The following FAM169A variants were observed in gnomAD, a reference collection of about 807,000 sequenced individuals.
FAM169A encodes the protein soluble lamin-associated protein of 75 kDa.
In FAM169A, 24 loss-of-function variants were observed where a neutral mutation model predicts 75.7. The observed-to-expected ratio is 0.32, with a 90% CI of 0.23 to 0.45. The LOEUF (loss-of-function observed/expected upper bound fraction) is 0.45. FAM169A is among the 20% of genes least tolerant of loss of function. The probability of loss-of-function intolerance (pLI) is 1.00; values close to 1 mark genes in which losing one functional copy is unlikely to be tolerated. For synonymous variants in FAM169A, 271 were observed against 271.0 expected (o/e 1.00, Z 0.00); for missense variants, 673 against 784.0 (o/e 0.86, Z 1.69).
At chr5:74,806,001 T>C (rs1166715444) in intron 6 of FAM169A, among the ~76,000 whole-genome samples, 1 of 131,394 alleles carries the variant, frequency 7.6e-6, no homozygotes, top group African/African-American at 2.9e-5. Context: ...AAAGAAATAA[T>C]ATTCAGGTCA....
At chr5:74,818,698 G>A (rs1263943402) in intron 5 of FAM169A, among the ~76,000 whole-genome samples, 1 of 147,578 alleles carries the variant, frequency 6.8e-6, no homozygotes, top group Non-Finnish European at 1.5e-5. Context: ...TGGGAGAGAG[G>A]AATAGATTAC....
At chr5:74,839,522 A>ATTTT (rs200682932) in intron 3 of FAM169A, among the ~76,000 whole-genome samples, 1 of 130,810 alleles carries the variant, frequency 7.6e-6, no homozygotes, top group African/African-American at 2.9e-5. Flanking sequence ...TCAATTTTTA[A>ATTTT]TTTTTTTTTT....
At chr5:74,862,592 C>G (rs1750094259) in intron 1 of FAM169A, among the ~76,000 whole-genome samples, 2 of 152,186 alleles carry the variant, frequency 1.3e-5, no homozygotes, top group African/African-American at 4.8e-5. Flanking sequence ...GAATTATCTG[C>G]TTAATGTTTG....
intron 11 of FAM169A, among the ~76,000 whole-genome samples, chr5:74,795,249 A>C (rs185906461): frequency 1.2e-4 from 19 of 152,182 alleles, no homozygotes; most frequent in Admixed American, 9.8e-4. Context: ...AAAGAGCAAA[A>C]CTCCGTCTCA....
At chr5:74,783,426 A>C (rs1337557466) in intron 11 of FAM169A, among the ~76,000 whole-genome samples, 1 of 152,216 alleles carries the variant, frequency 6.6e-6, no homozygotes. Context: ...TTCAATGAAA[A>C]GACCCTACCC....
intron 2 of FAM169A, among the ~76,000 whole-genome samples, chr5:74,840,740 A>T (rs1748820020): frequency 6.6e-6 from 1 of 151,868 alleles, no homozygotes; most frequent in African/African-American, 2.4e-5. Flanking sequence ...AAGGCAGGAG[A>T]ATGGCGTGAA....
intron 11 of FAM169A, among the ~76,000 whole-genome samples, chr5:74,785,331 AG>A (rs1482263226): frequency 6.6e-6 from 1 of 152,250 alleles, no homozygotes; most frequent in African/African-American, 2.4e-5. Flanking sequence ...AAGAAAAAAA[AG>A]AAAACCCCAC....
chr5:74,828,431 A>C (rs1748144947), intron 5 of FAM169A, among the ~76,000 whole-genome samples: 1 of 152,104 alleles, frequency 6.6e-6, no homozygotes, highest in African/African-American at 2.4e-5. Context: ...ATATACCTTC[A>C]TTTTGTAAAA....
intron 1 of FAM169A, among the ~76,000 whole-genome samples, chr5:74,849,800 C>T (rs1353798625): frequency 6.6e-6 from 1 of 152,178 alleles, no homozygotes; most frequent in Non-Finnish European, 1.5e-5. Context: ...TCTAACCACT[C>T]ATCTTTTTCT....
chr5:74,843,519 C>G (rs544707401), intron 1 of FAM169A, among the ~76,000 whole-genome samples: 1 of 152,220 alleles, frequency 6.6e-6, no homozygotes, highest in South Asian at 2.1e-4. Context: ...AATACACATA[C>G]CTATGGAAAT....
intron 8 of FAM169A, among the ~76,000 whole-genome samples, chr5:74,802,869 T>C (rs1746660954): frequency 6.6e-6 from 1 of 151,708 alleles, no homozygotes; most frequent in Non-Finnish European, 1.5e-5. Context: ...AAGGTTAAAA[T>C]GTAGATAAAG....
Position 74,779,223 on chromosome 5 carries a change from G to A in FAM169A, c.*2237C>T, listed in dbSNP as rs959585821. 3 of 152,034 alleles carry A rather than the reference G, an allele frequency of 2.0e-5. No homozygotes were observed. Among genetic ancestry groups the A allele is most frequent in the African/African-American group, 7.2e-5 (3 of 41,414 alleles). 9.4% of individuals were successfully genotyped at this position (152,034 alleles called of 1,614,324 possible). A position where few individuals can be genotyped will look rare whatever the true frequency, so the allele number is the denominator to read the frequency against. ...CATATATGATTAATAAACATTTTTT[G>A]TAAACTCAACTATATTCACACATCA... On this transcript the variant is annotated 3_prime_UTR_variant, in exon 13 of 13. Transcript: ENST00000687041.
At chr5:74,857,159 C>T (rs886194148) in intron 1 of FAM169A, among the ~76,000 whole-genome samples, 61 of 147,056 alleles carry the variant, frequency 4.1e-4, no homozygotes, top group African/African-American at 7.5e-4. Context: ...ATGCCTCCAA[C>T]GGAGAAGGCC....
At chr5:74,788,133 CG>C (rs1287905483) in intron 11 of FAM169A, among the ~76,000 whole-genome samples, 1 of 152,108 alleles carries the variant, frequency 6.6e-6, no homozygotes, top group Middle Eastern at 3.2e-3. Context: ...ACGTTGATTC[CG>C]GGGGACCCAA....
chr5:74,849,892 C>T (rs1010583707), intron 1 of FAM169A, among the ~76,000 whole-genome samples: 3 of 152,202 alleles, frequency 2.0e-5, no homozygotes, highest in African/African-American at 7.2e-5. Context: ...CACTGTTCAG[C>T]AATCCTTTTC....
At position 74,781,385 on chromosome 5, in the gene FAM169A, TTTA is replaced by T. The variant is rs1745400007; in HGVS notation, c.*72_*74del. On this transcript the variant is annotated 3_prime_UTR_variant, in exon 13 of 13. Transcript: ENST00000687041. ...AATTTTTGTCCTGTGCCCCATGCTG[TTTA>T]TTAATTACCATATTTTAAAAACAAC... 7.0e-7 allele frequency: 1 copy of T among 1,433,424 alleles called. No individual in the cohort carries two copies. The highest frequency in any genetic ancestry group is 9.5e-7 in the Non-Finnish European group (1 of 1,051,344). The allele number at this position is 1,433,424 out of a possible 1,614,324, so 88.8% of individuals were successfully genotyped here. A position where few individuals can be genotyped will look rare whatever the true frequency, so the allele number is the denominator to read the frequency against.
At chr5:74,794,002 CAAAAAAA>C (rs1276485325) in intron 11 of FAM169A, among the ~76,000 whole-genome samples, 18 of 50,582 alleles carry the variant, frequency 3.6e-4, no homozygotes, top group East Asian at 1.8e-3. Flanking sequence ...GACTCCATCT[CAAAAAAA>C]AAAAAAAAAA....
At chr5:74,842,181 G>T (rs1164429959) in intron 1 of FAM169A, among the ~76,000 whole-genome samples, 1 of 124,368 alleles carries the variant, frequency 8.0e-6, no homozygotes, top group Non-Finnish European at 1.6e-5. Flanking sequence ...CAGCACTTTG[G>T]GGGGCCAAGG....
At chr5:74,815,266 T>C (rs954794765) in intron 5 of FAM169A, among the ~76,000 whole-genome samples, 10 of 152,042 alleles carry the variant, frequency 6.6e-5, no homozygotes, top group Non-Finnish European at 1.3e-4. Context: ...TTCAGCTCAC[T>C]GCAACTTCCA....
Sources: gnomAD v4.1 joint callset for allele counts (sites outside exome capture counted in the v4.1 genomes callset) on GRCh38, gnomAD v4.1.1 for gene constraint, MANE v1.5 for transcripts, NCBI Gene and HGNC (gene_info 2026-07-23, HGNC 2026-07-21) for gene names.